MYO1F: variants seen among roughly 807,000 people sequenced by gnomAD.
MYO1F encodes the protein myosin IF.
MYO1F carries 60 observed loss-of-function variants against 146.6 expected under a neutral mutation model. The observed-to-expected ratio is 0.41, with a 90% CI of 0.33 to 0.51. The LOEUF (loss-of-function observed/expected upper bound fraction) is 0.51, where lower values mean the gene tolerates loss of function less well. Among genes scored for constraint, MYO1F ranks in the 20% least tolerant of loss-of-function variants. MYO1F has a pLI of 0.25. For synonymous variants in MYO1F, 602 were observed against 602.1 expected, an observed-to-expected ratio of 1.00 and a Z score of 0.00; for missense variants, 1,274 against 1,534.3, an observed-to-expected ratio of 0.83 and a Z score of 2.83.
Position 8,531,522 on chromosome 19 carries a change from G to C in MYO1F, c.2044-949C>G, listed in dbSNP as rs1184335832. Among the ~76,000 whole-genome samples, 3 of 151,960 alleles carry C rather than the reference G, an allele frequency of 2.0e-5. No individual in the cohort carries two copies. The East Asian group carries it at 5.8e-4, about 30-fold the overall frequency. On this transcript the variant is annotated intron_variant, in intron 19 of 27. Transcript: ENST00000644032. ...AGCCACCATGCCCAGCTAATTTTGTGGTGATGTGGTCTTGCCATGTTGCCC... is the reference window on the plus strand; with the variant it reads ...AGCCACCATGCCCAGCTAATTTTGTCGTGATGTGGTCTTGCCATGTTGCCC...
chr19:8,542,871 G>A (rs1175757587), intron 14 of MYO1F, among the ~76,000 whole-genome samples: 2 of 151,840 alleles, frequency 1.3e-5, no homozygotes, highest in Non-Finnish European at 2.9e-5. Flanking sequence ...CCAAAGTGCT[G>A]GGATTATAGG....
At chr19:8,559,091 G>A (rs896976867) in intron 1 of MYO1F, among the ~76,000 whole-genome samples, 27 of 151,778 alleles carry the variant, frequency 1.8e-4, no homozygotes, top group Non-Finnish European at 4.0e-4. Flanking sequence ...TGTTGCTCAG[G>A]CTGGTCTTGA....
At chr19:8,573,841 C>G (rs1452637436) in intron 1 of MYO1F, among the ~76,000 whole-genome samples, 1 of 152,128 alleles carries the variant, frequency 6.6e-6, no homozygotes, top group Non-Finnish European at 1.5e-5. Context: ...CAGAGCGAGA[C>G]TCTGTCTCAG....
At chr19:8,561,856 A>C (rs1330791609) in intron 1 of MYO1F, among the ~76,000 whole-genome samples, 1 of 151,502 alleles carries the variant, frequency 6.6e-6, no homozygotes, top group African/African-American at 2.4e-5. Context: ...AGCTGGGACT[A>C]TAGGCGCGCA....
Position 8,550,650 on chromosome 19 carries a change from C to T in MYO1F, c.816G>A (p.Leu272=). ...VIGIPPSIQQ[L]VLQLVAGILH... is the part of the protein sequence containing the mutation. Reference sequence around the variant, plus strand: ...AGATCCCCGCCACGAGCTGCAGGACCAGCTGCTGGATGCTGGGCGGGATCC... The same window carrying T: ...AGATCCCCGCCACGAGCTGCAGGACTAGCTGCTGGATGCTGGGCGGGATCC... The change falls in exon 9 of 28, where the codon CTG becomes CTA. Residue 272 remains leucine, a synonymous_variant. Coordinates refer to ENST00000644032, the MANE Select transcript of MYO1F (RefSeq NM_012335.4). 6.2e-7 allele frequency: 1 copy of T among 1,614,154 alleles called. No individual in the cohort carries two copies.
intron 15 of MYO1F, chr19:8,541,647 T>G: frequency 2.0e-6 from 1 of 500,822 alleles, no homozygotes; most frequent in South Asian, 2.0e-5. Context: ...CAGGCTGGTC[T>G]CAAACTCTTG....
chr19:8,574,569 TTCTTTCTTTCTCTC>T (rs1174874603), intron 1 of MYO1F, among the ~76,000 whole-genome samples: 57 of 86,828 alleles, frequency 6.6e-4, no homozygotes, highest in African/African-American at 2.8e-3. Flanking sequence ...CTTTCTTTCT[TTCTTTCTTTCTCTC>T]TCTCTCTCTC....
chr19:8,573,872 AC>A (rs1337075770), intron 1 of MYO1F, among the ~76,000 whole-genome samples: 1 of 152,108 alleles, frequency 6.6e-6, no homozygotes, highest in Non-Finnish European at 1.5e-5. Flanking sequence ...AAACAAAAAA[AC>A]AATACTAGCC....
chr19:8,548,840 G>A (rs547587415), intron 10 of MYO1F, among the ~76,000 whole-genome samples: 2 of 151,424 alleles, frequency 1.3e-5, no homozygotes, highest in East Asian at 2.0e-4. Flanking sequence ...CGCCCGCCTC[G>A]GCCTCCCAAA....
In MYO1F at chr19:8,551,770, C is replaced by T. The variant is rs748537608; in HGVS notation, c.741G>A (p.Thr247=). ...NQSDTYQVDG[T]DDRSDFGETL... ...TCTCACCAAAGTCGCTTCTGTCGTC[C>T]GTGCCGTCCACCTGGTAGGTGTCCG... Residue 247 remains threonine, a synonymous_variant, in exon 8 of 28, where the codon ACG becomes ACA. Transcript: ENST00000644032. 28 of 1,614,012 alleles carry T rather than the reference C, an allele frequency of 1.7e-5. No individual in the cohort carries two copies. The highest frequency in any genetic ancestry group is 9.9e-5 in the South Asian group (9 of 91,080).
At chr19:8,532,779 T>G (rs1377482236) in intron 19 of MYO1F, among the ~76,000 whole-genome samples, 1 of 151,832 alleles carries the variant, frequency 6.6e-6, no homozygotes, top group Non-Finnish European at 1.5e-5. Context: ...TCCCAGCTAT[T>G]CCGGAGGGTG....
Position 8,530,068 on chromosome 19 carries a change from G to C in MYO1F, c.2328+128C>G. ...GGCAGGTGCATATGGGCCAGGTGAGGGTGTACCTGTGATGGAACAGATGGA... is the reference window on the plus strand; with the variant it reads ...GGCAGGTGCATATGGGCCAGGTGAGCGTGTACCTGTGATGGAACAGATGGA... On this transcript the variant is annotated intron_variant, in intron 21 of 27. Transcript: ENST00000644032. The surrounding 1 kb of genome is among the most constrained non-coding windows in gnomAD (Gnocchi z 5.8). 1 of 1,304,190 alleles carries C rather than the reference G, an allele frequency of 7.7e-7. No individual in the cohort carries two copies. Among genetic ancestry groups the C allele is most frequent in the Non-Finnish European group, 1.1e-6 (1 of 909,382 alleles). The allele number at this position is 1,304,190 out of a possible 1,614,324, so 80.8% of individuals were successfully genotyped here.
In MYO1F at chr19:8,526,941, G is replaced by A. The variant is rs1049552838; in HGVS notation, c.2475-6C>T. 1.7e-5 allele frequency: 27 copies of A among 1,613,634 alleles called. No individual in the cohort carries two copies. Among genetic ancestry groups the A allele is most frequent in the Non-Finnish European group, 1.9e-5 (22 of 1,180,014 alleles). Reference sequence around the variant, plus strand: ...AGAAGTCGTCCTGTCGCGTGCTGGGGAGGGGCGGGTGAGAGCGTCAGGTGG... The same window carrying A: ...AGAAGTCGTCCTGTCGCGTGCTGGGAAGGGGCGGGTGAGAGCGTCAGGTGG... On this transcript the variant is annotated splice_polypyrimidine_tract_variant and splice_region_variant and intron_variant, in intron 22 of 27. Coordinates refer to ENST00000644032, the MANE Select transcript of MYO1F (RefSeq NM_012335.4).
chr19:8,573,389 A>G (rs1344106379), intron 1 of MYO1F, among the ~76,000 whole-genome samples: 2 of 151,872 alleles, frequency 1.3e-5, no homozygotes, highest in African/African-American at 4.8e-5. Context: ...GAACGTCTTC[A>G]CTCTCTCTCC....
At chr19:8,554,811 C>T in intron 2 of MYO1F, 68 bp from the exon 3 acceptor site, 1 of 1,407,014 alleles carries the variant, frequency 7.1e-7, no homozygotes, top group South Asian at 1.2e-5. Flanking sequence ...TCATCCTGCC[C>T]CCACCCAGGG....
intron 1 of MYO1F, among the ~76,000 whole-genome samples, chr19:8,562,884 C>T (rs1434993603): frequency 1.3e-5 from 2 of 152,096 alleles, no homozygotes; most frequent in Admixed American, 1.3e-4. Context: ...CCGGTGGTGG[C>T]GTTAAAAATG....
At chr19:8,556,099 G>A (rs1973842781) in intron 1 of MYO1F, among the ~76,000 whole-genome samples, 1 of 151,364 alleles carries the variant, frequency 6.6e-6, no homozygotes, top group South Asian at 2.1e-4. Context: ...CGTGATCTCT[G>A]CTCACTGCAA....
In MYO1F at chr19:8,527,447, C is replaced by T. The variant is rs764456294; in HGVS notation, c.2365G>A (p.Val789Met). Reference sequence around the variant, plus strand: ...ACTTTCTCTCGCCCAATCACATACACACACTTGGGCGTCAGGATCAAGTCC... The same window carrying T: ...ACTTTCTCTCGCCCAATCACATACATACACTTGGGCGTCAGGATCAAGTCC... ...KRDLILTPKC[V>M]YVIGREKVKK... The change falls in exon 22 of 28, where the codon GTG becomes ATG. Residue 789 changes from valine (V) to methionine (M), a missense_variant. Transcript: ENST00000644032. 2 of 1,614,076 alleles carry T rather than the reference C, an allele frequency of 1.2e-6. No homozygotes were observed. The highest frequency in any genetic ancestry group is 2.2e-5 in the East Asian group (1 of 44,876).
Position 8,521,324 on chromosome 19 carries a change from T to C in MYO1F, c.*204A>G. The C allele has an allele frequency of 3.2e-6, 2 of 623,188 alleles. No homozygotes were observed. Among genetic ancestry groups the C allele is most frequent in the East Asian group, 2.8e-5 (1 of 35,554 alleles). The allele number at this position is 623,188 out of a possible 1,614,324, so 38.6% of individuals were successfully genotyped here. A position where few individuals can be genotyped will look rare whatever the true frequency, so the allele number is the denominator to read the frequency against. ...TGGAGAATGGGCAGCAGGTGTGATG[T>C]TGGAGGAAGACCAGGGCCCAGGGGC... On this transcript the variant is annotated 3_prime_UTR_variant, in exon 28 of 28. Coordinates refer to ENST00000644032, the MANE Select transcript of MYO1F (RefSeq NM_012335.4).
Sources: allele counts gnomAD v4.1 joint callset (sites outside exome capture counted in the v4.1 genomes callset), GRCh38; gene constraint gnomAD v4.1.1; non-coding constraint Gnocchi (gnomAD v3.1); transcripts MANE v1.5; gene names NCBI Gene and HGNC (gene_info 2026-07-23, HGNC 2026-07-21).